Variants in PRB2 observed in about 807,000 individuals in gnomAD.
The protein encoded by PRB2 is proline rich protein BstNI subfamily 2, also known as basic salivary proline-rich protein 2.
A neutral mutation model predicts 8.3 loss-of-function variants in PRB2; 12 were observed. That is an observed-to-expected ratio of 1.45 (90% CI 0.93 to 2.35). The LOEUF (loss-of-function observed/expected upper bound fraction) is 2.35, where lower values mean the gene tolerates loss of function less well. Among genes scored for constraint, PRB2 ranks in the 30% most tolerant of loss-of-function variants. The pLI is 0.00. For synonymous variants in PRB2, 146 were observed against 180.0 expected, an observed-to-expected ratio of 0.81 and a Z score of 1.51; for missense variants, 470 against 507.0, an observed-to-expected ratio of 0.93 and a Z score of 0.70.
At chr12:11,394,936 A>T (rs1305947706) in intron 1 of PRB2, among the ~76,000 whole-genome samples, 1 of 151,552 alleles carries the variant, frequency 6.6e-6, no homozygotes, top group Non-Finnish European at 1.5e-5. Flanking sequence ...TACCCATACC[A>T]CTCCCAGCAC....
rs776453766 is a variant in PRB2 at position 11,393,239 on chromosome 12, G to T, written c.839C>A (p.Pro280Gln). The T allele has an allele frequency of 2.8e-6, 4 of 1,430,940 alleles. No individual in the cohort carries two copies. The highest frequency in any genetic ancestry group is 4.0e-5 in the Admixed American group (2 of 50,306). 88.6% of individuals were successfully genotyped at this position (1,430,940 alleles called of 1,614,324 possible). A position where few individuals can be genotyped will look rare whatever the true frequency, so the allele number is the denominator to read the frequency against. The change falls in exon 3 of 4, where the codon CCA becomes CAA. Residue 280 changes from proline (P) to glutamine (Q), a missense_variant. Physicochemically the swap from Pro to Gln is moderately conservative, Grantham distance 76. Transcript: ENST00000389362. ...TGGGGGTGGTCCTTGTGGCTTTCCT[G>T]GAGGTGGGGGACCTTGAGGTTTGTT... ...GGNKPQGPPPPGKPQGPPPQG... is the reference protein window; with the variant it reads ...GGNKPQGPPPQGKPQGPPPQG...
chr12:11,393,228 G>C lies in PRB2; in HGVS notation c.850C>G (p.Gln284Glu), dbSNP rs769111169. ...CTGCCTCCTTGTGGGGGTGGTCCTT[G>C]TGGCTTTCCTGGAGGTGGGGGACCT... Reference protein sequence around the residue: ...PQGPPPPGKPQGPPPQGGSKS... With the variant: ...PQGPPPPGKPEGPPPQGGSKS... The change falls in exon 3 of 4, where the codon CAA (glutamine) becomes GAA (glutamate). Residue 284 changes from glutamine to glutamate, a missense_variant. Transcript: ENST00000389362. The C allele has an allele frequency of 2.7e-6, 4 of 1,461,928 alleles. No individual in the cohort carries two copies. Among genetic ancestry groups the C allele is most frequent in the Admixed American group, 3.8e-5 (2 of 52,988 alleles). 90.6% of individuals were successfully genotyped at this position (1,461,928 alleles called of 1,614,324 possible).
Position 11,393,990 on chromosome 12 carries a change from G to T in PRB2, c.101-13C>A. ...CCTTGTGGATTTCCTGGAGAACAAA[G>T]AGAGAAGAGAAAGACAGAGTAAAAG... On this transcript the variant is annotated splice_polypyrimidine_tract_variant and intron_variant, in intron 2 of 3. Transcript: ENST00000389362. 6.2e-7 allele frequency: 1 copy of T among 1,614,062 alleles called. No individual in the cohort carries two copies. The highest frequency in any genetic ancestry group is 8.5e-7 in the Non-Finnish European group (1 of 1,179,920).
chr12:11,394,870 A>G (rs1460050495), intron 1 of PRB2, among the ~76,000 whole-genome samples: 2 of 152,136 alleles, frequency 1.3e-5, no homozygotes, highest in African/African-American at 4.8e-5. Flanking sequence ...TACATTGCTT[A>G]TGTACACATG....
chr12:11,394,598 A>G (rs2900174), intron 1 of PRB2, 68 bp from the exon 2 acceptor site: 81,646 of 1,569,676 alleles, frequency 0.052, 6,127 homozygotes, highest in African/African-American at 0.33. Flanking sequence ...CAAGTGTTCT[A>G]CAGGGAAAAC....
At chr12:11,394,466 G>A (rs554986849) in intron 2 of PRB2, 29 bp downstream of exon 2, 3 of 1,608,952 alleles carry the variant, frequency 1.9e-6, no homozygotes, top group East Asian at 2.2e-5. Flanking sequence ...AAGACAGTCA[G>A]AACAGATTGA....
rs1329765844 is a variant in PRB2, at chr12:11,395,446, T to C, written c.64+20A>G. The C allele has an allele frequency of 6.2e-7, 1 of 1,613,742 alleles. No individual in the cohort carries two copies. The highest frequency in any genetic ancestry group is 1.3e-5 in the African/African-American group (1 of 74,906). On this transcript the variant is annotated intron_variant, in intron 1 of 3. Transcript: ENST00000389362. ...AAGCCCCAAGCAGAGTCACCACATC[T>C]TCTCCCCCTTCTGTTTTACCTTCAT...
At chr12:11,395,101 G>T (rs1864389362) in intron 1 of PRB2, among the ~76,000 whole-genome samples, 1 of 152,086 alleles carries the variant, frequency 6.6e-6, no homozygotes. Context: ...CGATGCTGAT[G>T]CACTGTACAG....
At chr12:11,394,059 T>C (rs550945516) in intron 2 of PRB2, 82 bp from the exon 3 acceptor site, 8 of 1,568,882 alleles carry the variant, frequency 5.1e-6, no homozygotes, top group East Asian at 2.2e-5. Context: ...TTTTTATCAG[T>C]TTGGGTAACA....
intron 2 of PRB2, 136 bp from the exon 3 acceptor site, chr12:11,394,113 T>G (rs1864369675): frequency 3.2e-6 from 4 of 1,260,042 alleles, no homozygotes; most frequent in Non-Finnish European, 4.5e-6. Flanking sequence ...AGACATTAAT[T>G]TCTTTGCATT....
In PRB2 at chr12:11,395,492, A is replaced by T; in HGVS notation, c.38T>A (p.Leu13Gln). Residue 13 changes from leucine to glutamine, a missense_variant, in exon 1 of 4, where the codon CTG becomes CAG. Around this residue, in one of 4 missense-constraint regions of PRB2, gnomAD observed 211 missense variants for 207.7 expected, o/e 1.02. Coordinates refer to ENST00000389362, the MANE Select transcript of PRB2 (RefSeq NM_006248.4). ...TTCATTTAAGTTCTGAGCTGAGCTC[A>T]GGGCCAGCAAGGCCACTGACAGCAG... is the stretch of plus-strand genomic sequence containing the variant. ...LILLSVALLALSSAQNLNEDV... is the reference protein window; with the variant it reads ...LILLSVALLAQSSAQNLNEDV... 1 of 1,613,654 alleles carries T rather than the reference A, an allele frequency of 6.2e-7. No homozygotes were observed. The highest frequency in any genetic ancestry group is 1.1e-5 in the South Asian group (1 of 91,058).
intron 2 of PRB2, 125 bp downstream of exon 2, chr12:11,394,370 T>C: frequency 8.2e-7 from 1 of 1,226,506 alleles, no homozygotes; most frequent in Non-Finnish European, 1.2e-6. Flanking sequence ...GTGCCTATAT[T>C]ATTAGGAGCA....
rs144585099 is a variant in PRB2 at position 11,395,399 on chromosome 12, G to A, written c.64+67C>T. The A allele has an allele frequency of 2.4e-5, 38 of 1,596,526 alleles. No individual in the cohort carries two copies. The African/African-American group carries it at 3.1e-4, about 13-fold the overall frequency. On this transcript the variant is annotated intron_variant, in intron 1 of 3. Coordinates refer to ENST00000389362, the MANE Select transcript of PRB2 (RefSeq NM_006248.4). ...GTGTTTTCATTCTCCTCTCTTCCCC[G>A]TAATTACCATTATCACCTCCTAAGC...
intron 2 of PRB2, 41 bp downstream of exon 2, chr12:11,394,454 A>G: frequency 1.2e-6 from 2 of 1,604,094 alleles, no homozygotes; most frequent in African/African-American, 2.7e-5. Context: ...CATAAGCAGA[A>G]AAAGACAGTC....
rs35270209 is a variant in PRB2, at chr12:11,393,744, G to A, written c.334C>T (p.Arg112Ter). ...CCTTGTGGCTTTCCTGGAGGAGATC[G>A]GGGACTTCGGGACTTGTCTCCTTGT... ...PPQGDKSRSPRSPPGKPQGPP... is the reference protein window; with the variant it reads ...PPQGDKSRSP The change falls in exon 3 of 4, where the codon CGA becomes TGA. Residue 112 changes from arginine to a stop codon, truncating the protein, a stop_gained. Transcript: ENST00000389362. LOFTEE classifies it low-confidence loss of function (END_TRUNC). The A allele has an allele frequency of 2.3e-4, 363 of 1,598,506 alleles. 2 individuals carry two copies. The East Asian group carries it at 7.4e-3, about 33-fold the overall frequency.
intron 2 of PRB2, 89 bp downstream of exon 2, chr12:11,394,406 A>G: frequency 6.8e-7 from 1 of 1,475,132 alleles, no homozygotes; most frequent in Non-Finnish European, 9.5e-7. Context: ...TCCCGAAAGG[A>G]AAGTTTTGAT....
Position 11,391,566 on chromosome 12 carries a change from A to G in PRB2, c.*116T>C, listed in dbSNP as rs761101259. ...TGCAAGCTAATTATTTTATTGGTAT[A>G]CAGAAGTTAGAGCTATGATGACCTT... On this transcript the variant is annotated 3_prime_UTR_variant, in exon 4 of 4. Transcript: ENST00000389362. 1.1e-4 allele frequency: 43 copies of G among 398,106 alleles called. 1 individual carries two copies. In the Middle Eastern group the frequency reaches 3.2e-3, roughly 29 times the overall value. 24.7% of individuals were successfully genotyped at this position (398,106 alleles called of 1,614,324 possible).
chr12:11,395,435 G>T (rs1302908223), intron 1 of PRB2, 31 bp downstream of exon 1: 7 of 1,613,520 alleles, frequency 4.3e-6, no homozygotes, highest in Non-Finnish European at 5.9e-6. Flanking sequence ...CCCAAGCAGA[G>T]TCACCACATC....
rs745739675 is a variant in PRB2, at chr12:11,393,024, C to T, written c.1054G>A (p.Gly352Arg). 2 of 1,608,020 alleles carry T rather than the reference C, an allele frequency of 1.2e-6. No homozygotes were observed. Among genetic ancestry groups the T allele is most frequent in the Middle Eastern group, 1.7e-4 (1 of 6,058 alleles). Residue 352 changes from glycine (G) to arginine (R), a missense_variant, in exon 3 of 4, where the codon GGA (glycine) becomes AGA (arginine). This residue lies in a region of PRB2 where 205 missense variants were observed against 195.0 expected (regional missense o/e 1.05). Transcript: ENST00000389362. Reference sequence around the variant, plus strand: ...CGGGCACTTCGGGACTTGCTGCCTCCTTGTGGGGGTGGTCCTTGTGGCTTT... The same window carrying T: ...CGGGCACTTCGGGACTTGCTGCCTCTTTGTGGGGGTGGTCCTTGTGGCTTT... ...PGKPQGPPPQ[G>R]GSKSRSARSP...
Sources: allele counts gnomAD v4.1 joint callset (sites outside exome capture counted in the v4.1 genomes callset), GRCh38; gene constraint gnomAD v4.1.1; regional missense constraint gnomAD v4.1.1; transcripts MANE v1.5; gene names NCBI Gene and HGNC (gene_info 2026-07-23, HGNC 2026-07-21).